CAMTA1: variants seen among roughly 807,000 people sequenced by gnomAD.
The protein encoded by CAMTA1 is calmodulin binding transcription activator 1, also known as calmodulin-binding transcription activator 1.
In CAMTA1, 27 loss-of-function variants were observed where a neutral mutation model predicts 170.9. The observed-to-expected ratio is 0.16, with a 90% CI of 0.12 to 0.22. The LOEUF is 0.22. Among genes scored for constraint, CAMTA1 ranks in the 10% least tolerant of loss-of-function variants. The pLI, the probability that CAMTA1 is intolerant of heterozygous loss-of-function variation, is 1.00. For missense variants in CAMTA1, 1,619 were observed against 2,217.2 expected (o/e 0.73, Z 5.42); for synonymous variants, 833 against 891.5 (o/e 0.93, Z 1.17).
chr1:7,276,303 A>ATATATATTTTTTTTTTTT, intron 5 of CAMTA1, among the ~76,000 whole-genome samples: 3 of 24,232 alleles, frequency 1.2e-4, no homozygotes, highest in East Asian at 1.5e-3. Context: ...ATATATATAT[A>ATATATATTTTTTTTTTTT]TTTTTTTTTT....
At chr1:6,849,443 A>T (rs1475693260) in intron 3 of CAMTA1, among the ~76,000 whole-genome samples, 2 of 152,018 alleles carry the variant, frequency 1.3e-5, no homozygotes, top group Non-Finnish European at 2.9e-5. Context: ...ATGAGAGAGG[A>T]TGAAATGAGA....
chr1:7,582,272 T>C (rs1183837933), intron 6 of CAMTA1, among the ~76,000 whole-genome samples: 1 of 152,164 alleles, frequency 6.6e-6, no homozygotes, highest in Non-Finnish European at 1.5e-5. Flanking sequence ...CAGAGAGCTC[T>C]CTGTCCTTCT....
At chr1:7,029,328 C>T (rs1338639377) in intron 3 of CAMTA1, among the ~76,000 whole-genome samples, 1 of 151,674 alleles carries the variant, frequency 6.6e-6, no homozygotes, top group African/African-American at 2.4e-5. Context: ...AGTGAAACCC[C>T]GTCTCTACTA....
rs959771220 is a variant in CAMTA1, at chr1:7,030,765, T to C, written c.235-60539T>C. Among the ~76,000 whole-genome samples the C allele has an allele frequency of 4.6e-5, 7 of 152,296 alleles. No individual in the cohort carries two copies. The South Asian group carries it at 1.5e-3, about 32-fold the overall frequency. ...CATGTGAAAAGAATGTGTATATTGC[T>C]GTTAGAATGTTCTACAAATGTCAAC... On this transcript the variant is annotated intron_variant, in intron 3 of 22. Transcript: ENST00000303635.
At chr1:6,947,921 G>T (rs189456484) in intron 3 of CAMTA1, among the ~76,000 whole-genome samples, 1 of 151,838 alleles carries the variant, frequency 6.6e-6, no homozygotes, top group African/African-American at 2.4e-5. Flanking sequence ...TAGAGTTTTC[G>T]TGGATTCTTC....
intron 5 of CAMTA1, among the ~76,000 whole-genome samples, chr1:7,254,537 T>G (rs1445618992): frequency 6.6e-6 from 1 of 152,238 alleles, no homozygotes; most frequent in African/African-American, 2.4e-5. Flanking sequence ...AAGAGTTTCT[T>G]TGACTTCTTA....
intron 5 of CAMTA1, among the ~76,000 whole-genome samples, chr1:7,255,984 G>A (rs755581649): frequency 4.7e-4 from 72 of 152,274 alleles, no homozygotes; most frequent in Non-Finnish European, 6.2e-4. Flanking sequence ...TCTAGTACAG[G>A]GAGCGTCTGT....
At chr1:7,450,072 C>G (rs1260753339) in intron 5 of CAMTA1, among the ~76,000 whole-genome samples, 1 of 152,138 alleles carries the variant, frequency 6.6e-6, no homozygotes, top group Non-Finnish European at 1.5e-5. Flanking sequence ...CACCAGCCAG[C>G]CCAGCAGGGA....
rs1223131902 is a variant in CAMTA1 at position 7,767,305 on chromosome 1, T to C, written c.*814T>C. On this transcript the variant is annotated 3_prime_UTR_variant, in exon 23 of 23. Transcript: ENST00000303635. ...GTTCAGCACTTTAATTTTTTTGCCT[T>C]ACTTTCATGTGCAATGAGAATTACT... 1 of 152,816 alleles carries C rather than the reference T, an allele frequency of 6.5e-6. No homozygotes were observed. The highest frequency in any genetic ancestry group is 1.5e-5 in the Non-Finnish European group (1 of 68,044). The allele number at this position is 152,816 out of a possible 1,614,324, so 9.5% of individuals were successfully genotyped here.
chr1:7,487,258 C>T (rs1392972684), intron 6 of CAMTA1, among the ~76,000 whole-genome samples: 3 of 152,106 alleles, frequency 2.0e-5, no homozygotes, highest in Non-Finnish European at 1.5e-5. Flanking sequence ...GAGTTGTGGC[C>T]ACCAAGAGGG....
At chr1:7,156,229 G>A (rs1258072378) in intron 4 of CAMTA1, among the ~76,000 whole-genome samples, 3 of 147,100 alleles carry the variant, frequency 2.0e-5, no homozygotes, top group South Asian at 2.1e-4. Context: ...AGCTGAGATC[G>A]CCCCACTGCA....
chr1:7,352,787 G>C (rs987500993), intron 5 of CAMTA1, among the ~76,000 whole-genome samples: 1 of 152,182 alleles, frequency 6.6e-6, no homozygotes, highest in Non-Finnish European at 1.5e-5. Context: ...CTCACCTAGA[G>C]GTTACACCTC....
chr1:7,063,583 C>T lies in CAMTA1; in HGVS notation c.235-27721C>T, dbSNP rs1708569079. Among the ~76,000 whole-genome samples, 4 of 152,334 alleles carry T rather than the reference C, an allele frequency of 2.6e-5. No individual in the cohort carries two copies. Among genetic ancestry groups the T allele is most frequent in the East Asian group, 1.9e-4 (1 of 5,180 alleles). On this transcript the variant is annotated intron_variant, in intron 3 of 22. Coordinates refer to ENST00000303635, the MANE Select transcript of CAMTA1 (RefSeq NM_015215.4). The surrounding 1 kb of genome is among the most constrained non-coding windows in gnomAD (Gnocchi z 4.3). ...GGCTATATCTCCTCCCCTGTAGCCT[C>T]CCCTGCTCTGCCCTCTGCTTTTGGT...
chr1:7,531,150 A>C (rs115794382), intron 6 of CAMTA1, among the ~76,000 whole-genome samples: 1 of 140,914 alleles, frequency 7.1e-6, no homozygotes, highest in African/African-American at 2.5e-5. Context: ...AAATGTTAAG[A>C]TGAAGGGATG....
intron 22 of CAMTA1, among the ~76,000 whole-genome samples, chr1:7,761,851 A>G (rs1474768422): frequency 2.0e-5 from 3 of 148,960 alleles, no homozygotes; most frequent in Non-Finnish European, 4.5e-5. Context: ...AAAACGATCT[A>G]ATTCACTTTT....
intron 7 of CAMTA1, among the ~76,000 whole-genome samples, chr1:7,648,222 T>C (rs755930193): frequency 7.2e-5 from 11 of 151,900 alleles, no homozygotes; most frequent in Non-Finnish European, 1.5e-4. Context: ...GTGAAACCTG[T>C]TTCTACTAAA....
At chr1:7,604,030 T>C (rs2095467135) in intron 6 of CAMTA1, among the ~76,000 whole-genome samples, 1 of 152,240 alleles carries the variant, frequency 6.6e-6, no homozygotes, top group Non-Finnish European at 1.5e-5. Flanking sequence ...TTCTGGCTTG[T>C]AGAGTTTCTG....
intron 11 of CAMTA1, among the ~76,000 whole-genome samples, chr1:7,729,706 C>T (rs552804568): frequency 4.2e-4 from 64 of 152,326 alleles, no homozygotes; most frequent in East Asian, 7.7e-4. Context: ...TCAGTTTTCT[C>T]ATCTGGAAAA....
In CAMTA1 at chr1:7,562,363, G is replaced by A. The variant is rs1280127289; in HGVS notation, c.511-78037G>A. ...CATCGTTGGGCAGTGTAACTCAGTT[G>A]GGTATCAGGGCTGGTGGCAGCAGCA... On this transcript the variant is annotated intron_variant, in intron 6 of 22. Coordinates refer to ENST00000303635, the MANE Select transcript of CAMTA1 (RefSeq NM_015215.4). The surrounding 1 kb of genome is among the most constrained non-coding windows in gnomAD (Gnocchi z 4.8). 6.6e-6 allele frequency among the ~76,000 whole-genome samples: 1 copy of A among 152,218 alleles called. No homozygotes were observed. Among genetic ancestry groups the A allele is most frequent in the Non-Finnish European group, 1.5e-5 (1 of 68,028 alleles).
Sources: gnomAD v4.1 joint callset for allele counts (sites outside exome capture counted in the v4.1 genomes callset) on GRCh38, gnomAD v4.1.1 for gene constraint, Gnocchi (gnomAD v3.1) non-coding constraint, MANE v1.5 for transcripts, NCBI Gene and HGNC (gene_info 2026-07-23, HGNC 2026-07-21) for gene names.